WDFY2: variants seen among roughly 807,000 people sequenced by gnomAD.
The protein encoded by WDFY2 is WD repeat and FYVE domain-containing protein 2.
In WDFY2, 36 loss-of-function variants were observed where a neutral mutation model predicts 56.4. The observed-to-expected ratio is 0.64, with a 90% confidence interval of 0.49 to 0.84. The LOEUF (loss-of-function observed/expected upper bound fraction) is 0.84. Ranked by LOEUF, WDFY2 falls within the 40% of genes least tolerant of loss-of-function variation. The probability of loss-of-function intolerance (pLI) is 0.00; values close to 1 mark genes in which losing one functional copy is unlikely to be tolerated. For missense variants in WDFY2, 444 were observed against 512.2 expected (o/e 0.87, Z 1.29); for synonymous variants, 176 against 183.7 (o/e 0.96, Z 0.34).
chr13:51,710,190 A>G lies in WDFY2; in HGVS notation c.334+6540A>G, dbSNP rs189361045. 4.9e-3 allele frequency among the ~76,000 whole-genome samples: 753 copies of G among 152,326 alleles called. 5 individuals are homozygous for G. Among genetic ancestry groups the G allele is most frequent in the African/African-American group, 0.014 (591 of 41,562 alleles). ...AAACAGAACCAAAGACAAAACCCAC[A>G]TGATTATCTCAATAGATGCAGAAAA... On this transcript the variant is annotated intron_variant, in intron 4 of 11. Coordinates refer to ENST00000298125, the MANE Select transcript of WDFY2 (RefSeq NM_052950.4).
At chr13:51,616,228 C>A (rs1169262768) in intron 1 of WDFY2, among the ~76,000 whole-genome samples, 1 of 152,134 alleles carries the variant, frequency 6.6e-6, no homozygotes, top group East Asian at 1.9e-4. Flanking sequence ...CAGAATAAGA[C>A]CCTGTCTCAA....
intron 5 of WDFY2, among the ~76,000 whole-genome samples, chr13:51,720,855 C>T (rs1952471063): frequency 6.6e-6 from 1 of 151,682 alleles, no homozygotes; most frequent in Admixed American, 6.6e-5. Flanking sequence ...GGCACTAATC[C>T]CATTCATGAG....
chr13:51,711,971 C>A (rs950843193), intron 4 of WDFY2, among the ~76,000 whole-genome samples: 1 of 152,308 alleles, frequency 6.6e-6, no homozygotes, highest in African/African-American at 2.4e-5. Context: ...AATCATCCTG[C>A]TATAAAGACA....
At chr13:51,746,706 A>G (rs1250902057) in intron 7 of WDFY2, among the ~76,000 whole-genome samples, 2 of 151,668 alleles carry the variant, frequency 1.3e-5, no homozygotes, top group African/African-American at 4.8e-5. Flanking sequence ...GATTTAACTT[A>G]TAATAACAGA....
chr13:51,659,734 A>G (rs963965933), intron 1 of WDFY2, among the ~76,000 whole-genome samples: 4 of 152,194 alleles, frequency 2.6e-5, no homozygotes, highest in African/African-American at 4.8e-5. Context: ...ACTCTGTTCC[A>G]TAGCAAGCCT....
At chr13:51,694,185 T>G (rs1951811320) in intron 3 of WDFY2, among the ~76,000 whole-genome samples, 2 of 152,170 alleles carry the variant, frequency 1.3e-5, no homozygotes, top group Non-Finnish European at 2.9e-5. Flanking sequence ...CCATTTACAT[T>G]TAAAGTTAAT....
chr13:51,654,564 C>T (rs1453309787), intron 1 of WDFY2, among the ~76,000 whole-genome samples: 3 of 152,128 alleles, frequency 2.0e-5, no homozygotes, highest in Non-Finnish European at 4.4e-5. Context: ...TTTTTTTCCC[C>T]CAATACCCTA....
intron 3 of WDFY2, among the ~76,000 whole-genome samples, chr13:51,681,817 T>C (rs1955981757): frequency 6.6e-6 from 1 of 152,188 alleles, no homozygotes; most frequent in South Asian, 2.1e-4. Flanking sequence ...GAAGGTTCTT[T>C]TATCAAAGAA....
In WDFY2 at chr13:51,760,320, C is replaced by G. The variant is rs1953541446; in HGVS notation, c.*551C>G. 1 of 152,198 alleles carries G rather than the reference C, an allele frequency of 6.6e-6. No individual in the cohort carries two copies. Among genetic ancestry groups the G allele is most frequent in the Non-Finnish European group, 1.5e-5 (1 of 68,072 alleles). The allele number at this position is 152,198 out of a possible 1,614,324, so 9.4% of individuals were successfully genotyped here. On this transcript the variant is annotated 3_prime_UTR_variant, in exon 12 of 12. Transcript: ENST00000298125. ...TCCTCAGTGGAGAGATTTGGAAACT[C>G]ATCATGTGGATTCACCAGCCAGCTG...
intron 1 of WDFY2, among the ~76,000 whole-genome samples, chr13:51,658,113 C>G (rs1244398247): frequency 1.3e-5 from 2 of 151,916 alleles, no homozygotes; most frequent in Non-Finnish European, 2.9e-5. Flanking sequence ...TATAATTCTC[C>G]CTCTCCAGAG....
intron 3 of WDFY2, among the ~76,000 whole-genome samples, chr13:51,692,127 T>C (rs1479717649): frequency 2.0e-5 from 3 of 152,136 alleles, no homozygotes; most frequent in Non-Finnish European, 4.4e-5. Flanking sequence ...TATACAATCA[T>C]GTCATCTGCA....
intron 1 of WDFY2, among the ~76,000 whole-genome samples, chr13:51,602,799 T>C (rs1593863917): frequency 6.6e-6 from 1 of 152,232 alleles, no homozygotes; most frequent in East Asian, 1.9e-4. Flanking sequence ...ATGAGGCCTT[T>C]GGTTAGGGGA....
intron 4 of WDFY2, among the ~76,000 whole-genome samples, chr13:51,718,788 G>A (rs892106751): frequency 2.0e-5 from 3 of 152,102 alleles, no homozygotes; most frequent in African/African-American, 7.2e-5. Context: ...ATAAACTGAC[G>A]GTAGTGATAT....
intron 1 of WDFY2, among the ~76,000 whole-genome samples, chr13:51,644,226 A>G (rs1955226128): frequency 6.6e-6 from 1 of 152,234 alleles, no homozygotes. Context: ...TCTGCAATAC[A>G]AGGGCACTAT....
At chr13:51,692,236 T>G (rs1399040420) in intron 3 of WDFY2, among the ~76,000 whole-genome samples, 1 of 152,230 alleles carries the variant, frequency 6.6e-6, no homozygotes, top group East Asian at 1.9e-4. Flanking sequence ...CTATGTTGAA[T>G]AGGAGTGGTG....
In WDFY2 at chr13:51,728,117, C is replaced by T. The variant is rs188702341; in HGVS notation, c.598+327C>T. Among the ~76,000 whole-genome samples, 6 of 152,240 alleles carry T rather than the reference C, an allele frequency of 3.9e-5. No individual in the cohort carries two copies. The East Asian group carries it at 1.2e-3, about 29-fold the overall frequency. ...CCATGTGGCCTCGGACGGCTCAAAC[C>T]CCAGAAGGCCAAAAAGACAGCTGCC... On this transcript the variant is annotated intron_variant, in intron 6 of 11. Transcript: ENST00000298125.
intron 1 of WDFY2, among the ~76,000 whole-genome samples, chr13:51,598,163 C>G (rs1042145320): frequency 6.6e-6 from 1 of 152,040 alleles, no homozygotes; most frequent in Non-Finnish European, 1.5e-5. Flanking sequence ...AGTTCGAGAC[C>G]AGCCCGGCCA....
chr13:51,642,070 A>AT (rs1202143384), intron 1 of WDFY2, among the ~76,000 whole-genome samples: 6 of 151,430 alleles, frequency 4.0e-5, no homozygotes, highest in Admixed American at 1.3e-4. Flanking sequence ...CCTTTCCCCC[A>AT]TTTTCTTATT....
Position 51,745,382 on chromosome 13 carries a change from A to G in WDFY2, c.726-5928A>G, listed in dbSNP as rs79647266. 2.2e-3 allele frequency among the ~76,000 whole-genome samples: 338 copies of G among 152,344 alleles called. 10 individuals are homozygous for G. In the East Asian group the frequency reaches 0.058, roughly 26 times the overall value. ...CAGTCCAAAGGAAAATCCAAAGAGT[A>G]GACACATACATAGGCAATGGAGAAT... On this transcript the variant is annotated intron_variant, in intron 7 of 11. Transcript: ENST00000298125.
Sources: gnomAD v4.1 joint callset for allele counts (sites outside exome capture counted in the v4.1 genomes callset) on GRCh38, gnomAD v4.1.1 for gene constraint, MANE v1.5 for transcripts, NCBI Gene and HGNC (gene_info 2026-07-23, HGNC 2026-07-21) for gene names.